The following NCAM2 variants were observed in gnomAD, a reference collection of about 807,000 sequenced individuals.
NCAM2 encodes neural cell adhesion molecule 2, also known as N-CAM-2.
NCAM2 carries 30 observed loss-of-function variants against 98.1 expected under a neutral mutation model. The ratio of observed to expected loss-of-function variants is 0.31; its 90% CI spans 0.23 to 0.41. The LOEUF (loss-of-function observed/expected upper bound fraction) is 0.41, where lower values mean the gene tolerates loss of function less well. NCAM2 is among the 10% of genes least tolerant of loss of function. The probability of loss-of-function intolerance (pLI) is 1.00; values close to 1 mark genes in which losing one functional copy is unlikely to be tolerated. For missense variants in NCAM2, 867 were observed against 1,005.8 expected, an observed-to-expected ratio of 0.86 and a Z score of 1.87; for synonymous variants, 368 against 342.4, an observed-to-expected ratio of 1.07 and a Z score of -0.83.
chr21:21,213,291 C>G (rs2069734575), intron 1 of NCAM2, among the ~76,000 whole-genome samples: 1 of 152,000 alleles, frequency 6.6e-6, no homozygotes, highest in Non-Finnish European at 1.5e-5. Flanking sequence ...AACGTTAATA[C>G]TAAGTTTTAA....
At chr21:21,370,454 A>C (rs1356043241) in intron 8 of NCAM2, among the ~76,000 whole-genome samples, 1 of 151,880 alleles carries the variant, frequency 6.6e-6, no homozygotes, top group Non-Finnish European at 1.5e-5. Flanking sequence ...TGAAATCCTC[A>C]TTTAAAATTG....
chr21:21,231,342 T>A (rs941621356), intron 1 of NCAM2, among the ~76,000 whole-genome samples: 2 of 151,334 alleles, frequency 1.3e-5, no homozygotes, highest in Non-Finnish European at 3.0e-5. Flanking sequence ...AGCAAAGTTC[T>A]GACAAAAACT....
intron 5 of NCAM2, among the ~76,000 whole-genome samples, chr21:21,302,176 G>A (rs956843114): frequency 8.6e-5 from 13 of 151,268 alleles, no homozygotes; most frequent in East Asian, 1.9e-4. Flanking sequence ...TGTTTATTGC[G>A]GCATTATTCA....
intron 9 of NCAM2, among the ~76,000 whole-genome samples, chr21:21,377,950 T>G (rs1298045383): frequency 6.6e-6 from 1 of 151,988 alleles, no homozygotes; most frequent in Non-Finnish European, 1.5e-5. Flanking sequence ...CTTTTTGTGT[T>G]TGGCTTATTT....
At chr21:21,123,565 C>A (rs372749671) in intron 1 of NCAM2, among the ~76,000 whole-genome samples, 5 of 152,126 alleles carry the variant, frequency 3.3e-5, no homozygotes, top group Non-Finnish European at 4.4e-5. Flanking sequence ...CCGAGATCAA[C>A]CTGCAATGTT....
chr21:21,329,012 T>A (rs1258819840), intron 6 of NCAM2, among the ~76,000 whole-genome samples: 1 of 150,616 alleles, frequency 6.6e-6, no homozygotes, highest in African/African-American at 2.4e-5. Flanking sequence ...TGGAGTGCAG[T>A]GGTGCAATCT....
intron 1 of NCAM2, among the ~76,000 whole-genome samples, chr21:21,160,428 A>G (rs2067747682): frequency 6.6e-6 from 1 of 152,068 alleles, no homozygotes; most frequent in Non-Finnish European, 1.5e-5. Context: ...GTGTTGTATT[A>G]CAACTAAATA....
chr21:21,418,367 G>A (rs2077036989), intron 10 of NCAM2, 106 bp from the exon 11 acceptor site: 3 of 771,816 alleles, frequency 3.9e-6, no homozygotes, highest in Non-Finnish European at 6.7e-6. Flanking sequence ...GTAAGGAGTT[G>A]TTGGGTAAAA....
intron 9 of NCAM2, among the ~76,000 whole-genome samples, chr21:21,377,759 A>G (rs1017536120): frequency 3.0e-4 from 45 of 152,004 alleles, no homozygotes; most frequent in African/African-American, 1.1e-3. Context: ...TGATCCAGCT[A>G]TGCAATAACT....
intron 15 of NCAM2, among the ~76,000 whole-genome samples, chr21:21,505,508 G>A (rs1320123848): frequency 6.6e-6 from 1 of 151,930 alleles, no homozygotes; most frequent in Admixed American, 6.6e-5. Flanking sequence ...AGATAAAAAT[G>A]AAGCATATAA....
intron 1 of NCAM2, among the ~76,000 whole-genome samples, chr21:21,243,145 C>A (rs906924974): frequency 6.6e-6 from 1 of 151,988 alleles, no homozygotes; most frequent in African/African-American, 2.4e-5. Flanking sequence ...GTTTTAAGAG[C>A]CAAAGAAATA....
intron 1 of NCAM2, among the ~76,000 whole-genome samples, chr21:21,003,542 G>A (rs2064058448): frequency 6.6e-6 from 1 of 152,108 alleles, no homozygotes; most frequent in Admixed American, 6.6e-5. Context: ...GCCATGAGGA[G>A]CAATTGTAAC....
At chr21:21,452,962 T>G (rs1981472614) in intron 12 of NCAM2, among the ~76,000 whole-genome samples, 1 of 32,382 alleles carries the variant, frequency 3.1e-5, no homozygotes, top group Non-Finnish European at 5.9e-5. Context: ...ATATATTATA[T>G]ATTATATATT....
chr21:21,506,963 T>C (rs1988018214), intron 15 of NCAM2, among the ~76,000 whole-genome samples: 1 of 152,124 alleles, frequency 6.6e-6, no homozygotes, highest in Admixed American at 6.5e-5. Context: ...ATGATGACAT[T>C]GTAGAAGTAT....
intron 1 of NCAM2, among the ~76,000 whole-genome samples, chr21:21,074,848 G>A (rs965498407): frequency 1.3e-5 from 2 of 152,138 alleles, no homozygotes; most frequent in African/African-American, 4.8e-5. Context: ...ATGGTTTTAT[G>A]TGTGTGAAAC....
At chr21:21,325,756 T>C (rs1048349621) in intron 6 of NCAM2, among the ~76,000 whole-genome samples, 2 of 152,182 alleles carry the variant, frequency 1.3e-5, no homozygotes, top group Non-Finnish European at 2.9e-5. Flanking sequence ...AGATTTCTTT[T>C]TTCTTATTTG....
intron 12 of NCAM2, among the ~76,000 whole-genome samples, chr21:21,445,502 T>C (rs1160706315): frequency 1.3e-5 from 2 of 152,188 alleles, no homozygotes; most frequent in Admixed American, 6.6e-5. Flanking sequence ...GCTTGTTTTA[T>C]GAATGTGGGT....
chr21:21,407,286 T>A (rs1239159551), intron 9 of NCAM2, among the ~76,000 whole-genome samples: 1 of 152,248 alleles, frequency 6.6e-6, no homozygotes, highest in Non-Finnish European at 1.5e-5. Context: ...TTAGTTTCTG[T>A]TTTATTATAG....
chr21:21,306,147 A>G (rs1027926641), intron 5 of NCAM2, among the ~76,000 whole-genome samples: 1 of 152,168 alleles, frequency 6.6e-6, no homozygotes, highest in Non-Finnish European at 1.5e-5. Context: ...GCACTTAAAA[A>G]GAATGTGTAT....
Sources: allele counts gnomAD v4.1 joint callset (sites outside exome capture counted in the v4.1 genomes callset), GRCh38; gene constraint gnomAD v4.1.1; transcripts MANE v1.5; gene names NCBI Gene and HGNC (gene_info 2026-07-23, HGNC 2026-07-21).